ROR1: variants seen among roughly 807,000 people sequenced by gnomAD.
The protein encoded by ROR1 is ROR family WNT receptor 1, also known as inactive tyrosine-protein kinase transmembrane receptor ROR1.
In ROR1, 19 loss-of-function variants were observed where a neutral mutation model predicts 78.8. The observed-to-expected ratio is 0.24, with a 90% CI of 0.17 to 0.35. The LOEUF (loss-of-function observed/expected upper bound fraction) is 0.35, where lower values mean the gene tolerates loss of function less well. Among genes scored for constraint, ROR1 ranks in the 10% least tolerant of loss-of-function variants. The pLI, the probability that ROR1 is intolerant of heterozygous loss-of-function variation, is 1.00. For missense variants in ROR1, 917 were observed against 1,177.8 expected (o/e 0.78, Z 3.24); for synonymous variants, 386 against 433.6 (o/e 0.89, Z 1.36).
At chr1:63,785,651 G>A (rs965633247) in intron 1 of ROR1, among the ~76,000 whole-genome samples, 9 of 151,652 alleles carry the variant, frequency 5.9e-5, no homozygotes, top group African/African-American at 1.5e-4. Flanking sequence ...TCAGCCTCCC[G>A]AGCAGCTTGG....
chr1:63,805,292 G>C (rs1358797087), intron 1 of ROR1, among the ~76,000 whole-genome samples: 1 of 152,196 alleles, frequency 6.6e-6, no homozygotes, highest in Non-Finnish European at 1.5e-5. Context: ...GAGTTGGGAA[G>C]CCCGTGGCCC....
intron 4 of ROR1, among the ~76,000 whole-genome samples, chr1:64,059,999 GT>G (rs60063423): frequency 0.86 from 129,905 of 151,606 alleles, 55,714 homozygotes; most frequent in East Asian, 0.93. Flanking sequence ...ACAAGCGTTA[GT>G]TTTTTTTTTC....
chr1:63,823,310 C>G (rs1018977176), intron 1 of ROR1, among the ~76,000 whole-genome samples: 21 of 152,088 alleles, frequency 1.4e-4, no homozygotes, highest in African/African-American at 4.3e-4. Context: ...CATTCATCTA[C>G]CCACTCACCC....
At chr1:63,845,923 T>A (rs952497172) in intron 1 of ROR1, among the ~76,000 whole-genome samples, 1 of 152,158 alleles carries the variant, frequency 6.6e-6, no homozygotes, top group Non-Finnish European at 1.5e-5. Context: ...CCTGAACTTA[T>A]GTTTTTATAC....
intron 4 of ROR1, among the ~76,000 whole-genome samples, chr1:64,079,013 G>T (rs559074630): frequency 6.6e-6 from 1 of 152,164 alleles, no homozygotes; most frequent in Non-Finnish European, 1.5e-5. Flanking sequence ...AAATAGTTGA[G>T]TGTGCTGAGA....
chr1:64,023,649 G>C (rs924105496), intron 2 of ROR1, among the ~76,000 whole-genome samples: 1 of 152,138 alleles, frequency 6.6e-6, no homozygotes, highest in Non-Finnish European at 1.5e-5. Context: ...AACAGATACT[G>C]TTTGTCTTTT....
At chr1:63,856,228 G>T (rs921791752) in intron 1 of ROR1, among the ~76,000 whole-genome samples, 1 of 152,110 alleles carries the variant, frequency 6.6e-6, no homozygotes, top group African/African-American at 2.4e-5. Flanking sequence ...CTTTGTTCTG[G>T]AATGTGTTTA....
intron 1 of ROR1, among the ~76,000 whole-genome samples, chr1:63,922,338 G>C (rs1645662442): frequency 6.6e-6 from 1 of 152,166 alleles, no homozygotes; most frequent in Admixed American, 6.5e-5. Flanking sequence ...CCTGGGGTTT[G>C]GTTTTGTTTC....
At chr1:63,929,560 G>A (rs1293076757) in intron 1 of ROR1, among the ~76,000 whole-genome samples, 1 of 152,148 alleles carries the variant, frequency 6.6e-6, no homozygotes, top group Non-Finnish European at 1.5e-5. Context: ...GCAGCCTAGA[G>A]GGATGTTATA....
intron 1 of ROR1, among the ~76,000 whole-genome samples, chr1:63,878,393 C>A (rs1645301658): frequency 6.6e-6 from 1 of 152,132 alleles, no homozygotes; most frequent in Non-Finnish European, 1.5e-5. Context: ...TTGTTATTTG[C>A]TTAACAGTTT....
intron 4 of ROR1, among the ~76,000 whole-genome samples, chr1:64,132,590 T>C (rs914189700): frequency 6.6e-6 from 1 of 151,556 alleles, no homozygotes; most frequent in African/African-American, 2.4e-5. Context: ...TGAAACCCTG[T>C]CTCTACTAAA....
In ROR1 at chr1:63,819,927, G is replaced by A. The variant is rs572929300; in HGVS notation, c.91+45419G>A. Among the ~76,000 whole-genome samples the A allele has an allele frequency of 2.3e-4, 35 of 152,294 alleles. 2 individuals are homozygous for A. In the South Asian group the frequency reaches 7.3e-3, roughly 32 times the overall value. ...AAATGGGGAAACTGAGGTACACCTT[G>A]AAACCTGAGTAGGATTTGGATGCGT... On this transcript the variant is annotated intron_variant, in intron 1 of 8. Transcript: ENST00000371079.
At chr1:63,992,139 T>C (rs1646301255) in intron 1 of ROR1, among the ~76,000 whole-genome samples, 1 of 152,048 alleles carries the variant, frequency 6.6e-6, no homozygotes, top group Admixed American at 6.5e-5. Flanking sequence ...GTGTGATACA[T>C]TAAATAGCAG....
chr1:64,180,354 G>C lies in ROR1; in HGVS notation c.*1499G>C, dbSNP rs1650516582. 1 of 152,130 alleles carries C rather than the reference G, an allele frequency of 6.6e-6. No individual in the cohort carries two copies. Among genetic ancestry groups the C allele is most frequent in the Non-Finnish European group, 1.5e-5 (1 of 68,010 alleles). 9.4% of individuals were successfully genotyped at this position (152,130 alleles called of 1,614,324 possible). ...AAGAGACTTCTAAAGAGACTTACGGGATATAAAAGTAATTCCTGGAAATGA... is the reference window on the plus strand; with the variant it reads ...AAGAGACTTCTAAAGAGACTTACGGCATATAAAAGTAATTCCTGGAAATGA... On this transcript the variant is annotated 3_prime_UTR_variant, in exon 9 of 9. Coordinates refer to ENST00000371079, the MANE Select transcript of ROR1 (RefSeq NM_005012.4).
At chr1:64,046,748 TG>T (rs1265739750) in intron 2 of ROR1, among the ~76,000 whole-genome samples, 1 of 152,202 alleles carries the variant, frequency 6.6e-6, no homozygotes, top group Non-Finnish European at 1.5e-5. Flanking sequence ...CAGCCCTCAA[TG>T]GGTCTCATGG....
intron 4 of ROR1, among the ~76,000 whole-genome samples, chr1:64,098,968 T>C (rs1647410935): frequency 1.3e-5 from 2 of 151,972 alleles, no homozygotes; most frequent in Non-Finnish European, 2.9e-5. Context: ...TTACAGTTCA[T>C]AAAGCACTTT....
chr1:63,949,328 A>AC (rs1218453952), intron 1 of ROR1, among the ~76,000 whole-genome samples: 2 of 152,046 alleles, frequency 1.3e-5, no homozygotes, highest in African/African-American at 2.4e-5. Flanking sequence ...TCCATTCCCC[A>AC]CCCCCCAGAG....
In ROR1 at chr1:64,136,974, C is replaced by T. The variant is rs146332914; in HGVS notation, c.483-395C>T. Among the ~76,000 whole-genome samples the T allele has an allele frequency of 1.6e-3, 250 of 152,178 alleles. 1 individual carries two copies. In the East Asian group the frequency reaches 0.022, roughly 14 times the overall value. On this transcript the variant is annotated intron_variant, in intron 4 of 8. Coordinates refer to ENST00000371079, the MANE Select transcript of ROR1 (RefSeq NM_005012.4). ...TGTCAGTTGGAGTGGATCTGTTCGC[C>T]CACGCCTTTGTAGCAAATGAAGCAG...
At chr1:63,902,484 T>A (rs571425563) in intron 1 of ROR1, among the ~76,000 whole-genome samples, 1 of 136,112 alleles carries the variant, frequency 7.3e-6, no homozygotes, top group Admixed American at 6.9e-5. Context: ...TGCCCAGCTA[T>A]TTTTTTTTTA....
Sources: gnomAD v4.1 joint callset for allele counts (sites outside exome capture counted in the v4.1 genomes callset) on GRCh38, gnomAD v4.1.1 for gene constraint, MANE v1.5 for transcripts, NCBI Gene and HGNC (gene_info 2026-07-23, HGNC 2026-07-21) for gene names.